The following BAHD1 variants were observed in gnomAD, a reference collection of about 807,000 sequenced individuals.
BAHD1 encodes the protein bromo adjacent homology domain-containing 1 protein.
Under a neutral mutation model 63.1 loss-of-function variants are expected in BAHD1, and 20 were observed. The observed-to-expected ratio is 0.32, with a 90% CI of 0.22 to 0.46. The LOEUF (loss-of-function observed/expected upper bound fraction) is 0.46, where lower values mean the gene tolerates loss of function less well. BAHD1 is among the 20% of genes least tolerant of loss of function. BAHD1 has a pLI of 1.00. For synonymous variants in BAHD1, 408 were observed against 426.8 expected (o/e 0.96, Z 0.54); for missense variants, 939 against 1,071.8 (o/e 0.88, Z 1.73).
intron 1 of BAHD1, among the ~76,000 whole-genome samples, chr15:40,450,097 G>A (rs568871900): frequency 6.6e-6 from 1 of 152,310 alleles, no homozygotes; most frequent in South Asian, 2.1e-4. Context: ...CATGTGGGTG[G>A]GATTTACTGT....
chr15:40,445,273 AAAAC>A (rs1183500528), intron 1 of BAHD1, among the ~76,000 whole-genome samples: 81 of 151,380 alleles, frequency 5.4e-4, no homozygotes, highest in African/African-American at 1.7e-3. Context: ...AAAAAAAAAA[AAAAC>A]AACCCTTTCA....
intron 1 of BAHD1, chr15:40,454,014 C>G (rs1274504317): frequency 6.6e-6 from 1 of 152,458 alleles, no homozygotes; most frequent in Non-Finnish European, 1.5e-5. Context: ...ACCAAAGAAG[C>G]CTGAAAAGCA....
rs1894233046 is a variant in BAHD1, at chr15:40,467,078, C to T, written c.*948C>T. 1 of 152,570 alleles carries T rather than the reference C, an allele frequency of 6.6e-6. No homozygotes were observed. Among genetic ancestry groups the T allele is most frequent in the South Asian group, 2.1e-4 (1 of 4,832 alleles). 9.5% of individuals were successfully genotyped at this position (152,570 alleles called of 1,614,324 possible). ...TGCTGTGGCTCCCCTTGCCCTGCCA[C>T]CCTTTCCCTAGTCTTTTGTAGATTG... On this transcript the variant is annotated 3_prime_UTR_variant, in exon 7 of 7. Transcript: ENST00000416165.
In BAHD1 at chr15:40,462,217, C is replaced by T. The variant is rs1566965215; in HGVS notation, c.1738C>T (p.Pro580Ser). The T allele has an allele frequency of 6.2e-7, 1 of 1,611,758 alleles. No individual in the cohort carries two copies. Among genetic ancestry groups the T allele is most frequent in the Non-Finnish European group, 8.5e-7 (1 of 1,179,250 alleles). ...GCAGCCACGTGTCCAGCGCCCACGC[C>T]CTCGCCGCCGCCGTCGCCGCCGCAC... ...PKQPRVQRPR[P>S]RRRRRRRTNG... is the part of the protein sequence containing the mutation. Residue 580 changes from proline (P) to serine (S), a missense_variant, in exon 3 of 7, where the codon CCT becomes TCT. Physicochemically the swap from Pro to Ser is moderately conservative, Grantham distance 74. Coordinates refer to ENST00000416165, the MANE Select transcript of BAHD1 (RefSeq NM_014952.5).
intron 1 of BAHD1, among the ~76,000 whole-genome samples, chr15:40,452,446 G>T (rs1893733783): frequency 6.6e-6 from 1 of 152,256 alleles, no homozygotes; most frequent in African/African-American, 2.4e-5. Flanking sequence ...TAGCATCTGA[G>T]GAACTTGGCC....
intron 1 of BAHD1, among the ~76,000 whole-genome samples, chr15:40,443,832 C>T (rs539040084): frequency 6.6e-6 from 1 of 152,300 alleles, no homozygotes; most frequent in Admixed American, 6.5e-5. Flanking sequence ...GCTCCCCGTT[C>T]CCTGCAGTCT....
In BAHD1 at chr15:40,459,852, G is replaced by C. The variant is rs755937706; in HGVS notation, c.1388G>C (p.Gly463Ala). ...GVLPLSVTHA[G>A]TTCGGCPYKM... ...TTGCCCCTGTCTGTTACCCACGCTG[G>C]CACTACCTGTGGCGGCTGCCCATAC... The change falls in exon 2 of 7, where the codon GGC becomes GCC. Residue 463 changes from glycine (G) to alanine (A), a missense_variant. Physicochemically the swap from Gly to Ala is moderately conservative, Grantham distance 60. Transcript: ENST00000416165. 2 of 1,604,364 alleles carry C rather than the reference G, an allele frequency of 1.2e-6. No homozygotes were observed. The highest frequency in any genetic ancestry group is 1.7e-6 in the Non-Finnish European group (2 of 1,174,486).
At chr15:40,449,479 G>C (rs534467336) in intron 1 of BAHD1, among the ~76,000 whole-genome samples, 1 of 152,080 alleles carries the variant, frequency 6.6e-6, no homozygotes, top group Non-Finnish European at 1.5e-5. Flanking sequence ...GCTTTCCAGA[G>C]GTAGCTGGGC....
At chr15:40,440,210 A>C (rs1034596945), upstream of BAHD1, among the ~76,000 whole-genome samples, 10 of 151,884 alleles carry the variant, frequency 6.6e-5, no homozygotes, top group Admixed American at 5.9e-4. Flanking sequence ...TGGGGGCGGT[A>C]GGTGAAGGGC....
intron 1 of BAHD1, among the ~76,000 whole-genome samples, chr15:40,449,847 A>G (rs548625781): frequency 2.7e-5 from 4 of 150,822 alleles, no homozygotes; most frequent in African/African-American, 9.7e-5. Flanking sequence ...ATGAAAATTG[A>G]TGGTAATGAA....
chr15:40,440,366 G>A (rs1893363895), upstream of BAHD1, among the ~76,000 whole-genome samples: 1 of 152,052 alleles, frequency 6.6e-6, no homozygotes, highest in African/African-American at 2.4e-5. Context: ...CCTTTTGCAG[G>A]AGTCTGGGGC....
chr15:40,447,201 A>G (rs1004353348), intron 1 of BAHD1, among the ~76,000 whole-genome samples: 5 of 152,202 alleles, frequency 3.3e-5, no homozygotes, highest in African/African-American at 1.2e-4. Context: ...GGCCTTCCTC[A>G]GTAGTGAGGG....
chr15:40,465,028 C>G, intron 5 of BAHD1: 1 of 435,098 alleles, frequency 2.3e-6, no homozygotes, highest in South Asian at 2.6e-5. Context: ...CAGGGACTTT[C>G]CATCTAACTG....
chr15:40,466,252 T>C lies in BAHD1; in HGVS notation c.*122T>C. On this transcript the variant is annotated 3_prime_UTR_variant, in exon 7 of 7. Transcript: ENST00000416165. ...GCCTAAGTTTGCTGGCCTGTGGTTTTCTTGGGGGGGAGGGCAGGGGCCCCT... is the reference window on the plus strand; with the variant it reads ...GCCTAAGTTTGCTGGCCTGTGGTTTCCTTGGGGGGGAGGGCAGGGGCCCCT... 2.0e-4 allele frequency: 103 copies of C among 504,116 alleles called. No individual in the cohort carries two copies. The highest frequency in any genetic ancestry group is 6.4e-4 in the Middle Eastern group (1 of 1,556). The allele number at this position is 504,116 out of a possible 1,614,324, so 31.2% of individuals were successfully genotyped here.
chr15:40,466,210 G>C lies in BAHD1; in HGVS notation c.*80G>C. The C allele has an allele frequency of 7.3e-7, 1 of 1,361,676 alleles. No homozygotes were observed. Among genetic ancestry groups the C allele is most frequent in the Non-Finnish European group, 9.9e-7 (1 of 1,005,714 alleles). The allele number at this position is 1,361,676 out of a possible 1,614,324, so 84.3% of individuals were successfully genotyped here. ...GGCACTGCTTGAAGCACAGCACTTGGTTAGGGGGCCACAGAGGCCTAAGTT... is the reference window on the plus strand; with the variant it reads ...GGCACTGCTTGAAGCACAGCACTTGCTTAGGGGGCCACAGAGGCCTAAGTT... On this transcript the variant is annotated 3_prime_UTR_variant, in exon 7 of 7. Coordinates refer to ENST00000416165, the MANE Select transcript of BAHD1 (RefSeq NM_014952.5).
upstream of BAHD1, among the ~76,000 whole-genome samples, chr15:40,438,472 C>T (rs912954663): frequency 3.3e-5 from 5 of 152,136 alleles, no homozygotes; most frequent in South Asian, 2.1e-4. Context: ...CCCGTGTCCC[C>T]GCACCATAGC....
chr15:40,441,340 A>G (rs939451341), intron 1 of BAHD1, 72 bp downstream of exon 1: 1 of 150,236 alleles, frequency 6.7e-6, no homozygotes, highest in African/African-American at 2.4e-5. Flanking sequence ...GGTAGGCAGA[A>G]GAGCGAAGGG....
intron 2 of BAHD1, among the ~76,000 whole-genome samples, 169 bp downstream of exon 2, chr15:40,460,065 G>A (rs1893993511): frequency 6.6e-6 from 1 of 152,148 alleles, no homozygotes; most frequent in South Asian, 2.1e-4. Context: ...AAGCCGAGGA[G>A]CATTCCCAAG....
At position 40,441,862 on chromosome 15, in the gene BAHD1, AGGGCCGCGCCGGGCCGGGGGCGGCAGG is replaced by A. The variant is rs1893413598; in HGVS notation, c.-15+598_-15+624del. Among the ~76,000 whole-genome samples, 7 of 111,530 alleles carry A rather than the reference AGGGCCGCGCCGGGCCGGGGGCGGCAGG, an allele frequency of 6.3e-5. No homozygotes were observed. In the South Asian group the frequency reaches 2.2e-3, roughly 35 times the overall value. 73.2% of individuals were successfully genotyped at this position (111,530 alleles called of 152,430 possible). ...ATTGCTGGATGGGGGGCAGGGGATG[AGGGCCGCGCCGGGCCGGGGGCGGCAGG>A]GGGGAGTAGTGTAGACCCGACTCGA... On this transcript the variant is annotated intron_variant, in intron 1 of 6. Transcript: ENST00000416165.
Sources: gnomAD v4.1 joint callset for allele counts (sites outside exome capture counted in the v4.1 genomes callset) on GRCh38, gnomAD v4.1.1 for gene constraint, MANE v1.5 for transcripts, NCBI Gene and HGNC (gene_info 2026-07-23, HGNC 2026-07-21) for gene names.